Variants in MYO16 observed in about 807,000 individuals in gnomAD.
MYO16 encodes the protein myosin XVI.
Under a neutral mutation model 205.3 loss-of-function variants are expected in MYO16, and 94 were observed. That is an observed-to-expected ratio of 0.46 (90% confidence interval 0.39 to 0.54). The LOEUF is 0.54. Ranked by LOEUF, MYO16 falls within the 20% of genes least tolerant of loss-of-function variation. The probability of loss-of-function intolerance (pLI) is 0.00; values close to 1 mark genes in which losing one functional copy is unlikely to be tolerated. For missense variants in MYO16, 2,315 were observed against 2,387.5 expected, an observed-to-expected ratio of 0.97 and a Z score of 0.63; for synonymous variants, 988 against 954.0, an observed-to-expected ratio of 1.04 and a Z score of -0.66.
At chr13:108,750,189 A>G (rs761760843) in intron 4 of MYO16, among the ~76,000 whole-genome samples, 1 of 152,262 alleles carries the variant, frequency 6.6e-6, no homozygotes, top group Non-Finnish European at 1.5e-5. Flanking sequence ...GACAGCGGAT[A>G]CATGACACCC....
At chr13:108,716,321 G>C (rs1267061305) in intron 3 of MYO16, among the ~76,000 whole-genome samples, 1 of 152,170 alleles carries the variant, frequency 6.6e-6, no homozygotes, top group Non-Finnish European at 1.5e-5. Flanking sequence ...AAATGAGAAG[G>C]TTAAACTGAT....
Position 109,022,392 on chromosome 13 carries a change from T to C in MYO16, c.2796+2481T>C, listed in dbSNP as rs9514961. On this transcript the variant is annotated intron_variant, in intron 23 of 34. Coordinates refer to ENST00000457511, the MANE Select transcript of MYO16 (RefSeq NM_001198950.3). ...TATGTATTATATATACAAATATACA[T>C]ATATGTATATATGTATATATTGTAT... Among the ~76,000 whole-genome samples, 26 of 11,636 alleles carry C rather than the reference T, an allele frequency of 2.2e-3. 1 individual carries two copies. The highest frequency in any genetic ancestry group is 0.011 in the South Asian group (1 of 88). The allele number at this position is 11,636 out of a possible 152,430, so 7.6% of individuals were successfully genotyped here. A position where few individuals can be genotyped will look rare whatever the true frequency, so the allele number is the denominator to read the frequency against.
intron 33 of MYO16, among the ~76,000 whole-genome samples, chr13:109,174,883 C>T (rs1433261434): frequency 6.6e-6 from 1 of 151,296 alleles, no homozygotes; most frequent in East Asian, 1.9e-4. Context: ...TCCCGAGTAG[C>T]TGGGACTACA....
At chr13:108,616,286 C>A (rs1879346798) in intron 1 of MYO16, among the ~76,000 whole-genome samples, 1 of 152,164 alleles carries the variant, frequency 6.6e-6, no homozygotes, top group East Asian at 1.9e-4. Flanking sequence ...AACATGTTCA[C>A]TTTCTTTGTA....
At chr13:108,629,093 G>A (rs920637806), upstream of MYO16, 8 of 152,166 alleles carry the variant, frequency 5.3e-5, no homozygotes, top group Non-Finnish European at 5.9e-5. Flanking sequence ...AGTCTGCAGA[G>A]GTAGGAGAAT....
chr13:108,917,650 GTAT>G (rs1881557603), intron 16 of MYO16, among the ~76,000 whole-genome samples: 2 of 152,164 alleles, frequency 1.3e-5, no homozygotes, highest in African/African-American at 2.4e-5. Flanking sequence ...AAAAAATATT[GTAT>G]GAGGTTAAGA....
At chr13:108,749,276 G>A (rs1044445356) in intron 4 of MYO16, among the ~76,000 whole-genome samples, 1 of 152,004 alleles carries the variant, frequency 6.6e-6, no homozygotes, top group Non-Finnish European at 1.5e-5. Context: ...CGCCTATCTG[G>A]CTAAAGTGTT....
chr13:108,856,248 C>T (rs1050855752), intron 11 of MYO16, among the ~76,000 whole-genome samples: 4 of 152,194 alleles, frequency 2.6e-5, no homozygotes, highest in Non-Finnish European at 4.4e-5. Flanking sequence ...ACACAGAGCA[C>T]AGAGTAATTC....
In MYO16 at chr13:108,823,192, GAA is replaced by G. The variant is rs760150950; in HGVS notation, c.1013_1014del (p.Lys338ArgfsTer15). 1 of 1,613,134 alleles carries G rather than the reference GAA, an allele frequency of 6.2e-7. No individual in the cohort carries two copies. The highest frequency in any genetic ancestry group is 2.2e-5 in the East Asian group (1 of 44,834). On this transcript the variant is annotated frameshift_variant, in exon 9 of 35. Coordinates refer to ENST00000457511, the MANE Select transcript of MYO16 (RefSeq NM_001198950.3). LOFTEE classifies it high-confidence loss of function. ...CCGAAATTGCCTGGGAAGAAAAAAT[GAA>G]AGAGCCTTTATCTGCTTCTACCTTA... ...KAEIAWEEKM[K>X]EPLSASTLAQ...
Position 108,761,883 on chromosome 13 carries a change from G to A in MYO16, c.508-23752G>A, listed in dbSNP as rs143011518. On this transcript the variant is annotated intron_variant, in intron 4 of 34. Transcript: ENST00000457511. ...TTTTTTAATTGTATACATTTATGGA[G>A]TACAAGTACAGTTTTGCTACATACA... Among the ~76,000 whole-genome samples the A allele has an allele frequency of 2.6e-4, 40 of 152,292 alleles. No homozygotes were observed. The East Asian group carries it at 6.8e-3, about 26-fold the overall frequency.
chr13:108,753,383 A>AAAAAAAAAAAAACAAAC (rs1555344224), intron 4 of MYO16, among the ~76,000 whole-genome samples: 1 of 147,726 alleles, frequency 6.8e-6, no homozygotes, highest in Admixed American at 6.6e-5. Context: ...AAAAAAAAAA[A>AAAAAAAAAAAAACAAAC]AAAAAAAAAA....
intron 1 of MYO16, among the ~76,000 whole-genome samples, chr13:108,654,807 A>T (rs1881169068): frequency 6.6e-6 from 1 of 151,986 alleles, no homozygotes; most frequent in African/African-American, 2.4e-5. Flanking sequence ...AGCAAAGGTG[A>T]CTCTTGCTAC....
chr13:108,691,420 G>A (rs1882891884), intron 2 of MYO16, among the ~76,000 whole-genome samples: 1 of 152,046 alleles, frequency 6.6e-6, no homozygotes, highest in Non-Finnish European at 1.5e-5. Flanking sequence ...GTTTGTGAGA[G>A]AGAGAGATAG....
intron 1 of MYO16, among the ~76,000 whole-genome samples, chr13:108,645,882 C>T (rs1014191189): frequency 6.6e-6 from 1 of 152,184 alleles, no homozygotes. Flanking sequence ...GGAATCAGTA[C>T]CTCCAAGTTT....
chr13:109,108,747 A>G (rs1889197516), intron 28 of MYO16, among the ~76,000 whole-genome samples: 1 of 152,160 alleles, frequency 6.6e-6, no homozygotes, highest in Non-Finnish European at 1.5e-5. Context: ...GTTGTCATGC[A>G]GGGCATTTCT....
chr13:108,970,285 A>G (rs1009696488), intron 20 of MYO16, among the ~76,000 whole-genome samples: 8 of 152,236 alleles, frequency 5.3e-5, no homozygotes, highest in African/African-American at 1.9e-4. Flanking sequence ...GCTATTAAAA[A>G]AGCATGACTT....
chr13:108,599,114 A>G (rs1402470768), intron 1 of MYO16, among the ~76,000 whole-genome samples: 6 of 150,570 alleles, frequency 4.0e-5, no homozygotes, highest in African/African-American at 1.5e-4. Flanking sequence ...TCCTTGCGAT[A>G]GTTTACTGAG....
chr13:109,193,300 T>C (rs1880006267), intron 34 of MYO16, among the ~76,000 whole-genome samples: 1 of 152,208 alleles, frequency 6.6e-6, no homozygotes, highest in Non-Finnish European at 1.5e-5. Context: ...GGTTCAGCAT[T>C]TTCTGAGTGC....
chr13:108,588,643 T>C, the MYO16 span, among the ~76,000 whole-genome samples: 74 of 152,140 alleles, frequency 4.9e-4, 1 homozygote, highest in Admixed American at 1.6e-3. Flanking sequence ...GGGATTGCAT[T>C]TGGGAGTCAT....
Sources: gnomAD v4.1 joint callset for allele counts (sites outside exome capture counted in the v4.1 genomes callset) on GRCh38, gnomAD v4.1.1 for gene constraint, MANE v1.5 for transcripts, NCBI Gene and HGNC (gene_info 2026-07-23, HGNC 2026-07-21) for gene names.